The following SAE1 variants were observed in gnomAD, a reference collection of about 807,000 sequenced individuals.
The protein encoded by SAE1 is SUMO1 activating enzyme subunit 1.
SAE1 carries 11 observed loss-of-function variants against 40.6 expected under a neutral mutation model. That is an observed-to-expected ratio of 0.27 (90% CI 0.17 to 0.45). SAE1 has a LOEUF of 0.45. Among genes scored for constraint, SAE1 ranks in the 20% least tolerant of loss-of-function variants. SAE1 has a pLI of 1.00. For synonymous variants in SAE1, 155 were observed against 154.3 expected (o/e 1.00, Z -0.03); for missense variants, 373 against 427.3 (o/e 0.87, Z 1.12).
chr19:47,139,890 C>T (rs1010556892), intron 1 of SAE1, among the ~76,000 whole-genome samples: 3 of 150,696 alleles, frequency 2.0e-5, no homozygotes, highest in Non-Finnish European at 3.0e-5. Context: ...CGTGAGGCAC[C>T]GTGCCCTGCT....
At chr19:47,131,510 G>A (rs2058142616) in intron 1 of SAE1, among the ~76,000 whole-genome samples, 2 of 151,988 alleles carry the variant, frequency 1.3e-5, no homozygotes, top group South Asian at 4.1e-4. Context: ...GGGCGGGCCA[G>A]TCTGAGAGAA....
At chr19:47,179,105 TGG>T (rs1252655492) in intron 6 of SAE1, among the ~76,000 whole-genome samples, 2 of 147,402 alleles carry the variant, frequency 1.4e-5, no homozygotes, top group South Asian at 2.1e-4. Context: ...GGCAGGAGAA[TGG>T]TGTGAACCCG....
In SAE1 at chr19:47,158,446, C is replaced by A. The variant is rs1261921543; in HGVS notation, c.627+3233C>A. Among the ~76,000 whole-genome samples the A allele has an allele frequency of 2.6e-5, 4 of 152,148 alleles. No individual in the cohort carries two copies. In the East Asian group the frequency reaches 7.7e-4, roughly 29 times the overall value. ...ACAATCAGGTCTCGGGCACAAGCCT[C>A]ACATGGACACTGACATGCAGGAGCC... On this transcript the variant is annotated intron_variant, in intron 5 of 8. Transcript: ENST00000270225.
chr19:47,160,388 A>ATTTTT (rs34266912), intron 5 of SAE1, among the ~76,000 whole-genome samples: 66 of 75,070 alleles, frequency 8.8e-4, no homozygotes, highest in Non-Finnish European at 1.6e-3. Context: ...CGCCCAGCTA[A>ATTTTT]TTTTTTTTTT....
At chr19:47,136,987 C>T (rs931533440) in intron 1 of SAE1, among the ~76,000 whole-genome samples, 19 of 152,150 alleles carry the variant, frequency 1.2e-4, no homozygotes, top group Admixed American at 3.3e-4. Context: ...TGGAAATGGG[C>T]AGGCTGATAA....
chr19:47,157,483 G>A lies in SAE1; in HGVS notation c.627+2270G>A, dbSNP rs568208794. On this transcript the variant is annotated intron_variant, in intron 5 of 8. Coordinates refer to ENST00000270225, the MANE Select transcript of SAE1 (RefSeq NM_005500.3). The stretch of plus-strand genomic sequence containing the variant: ...TGGCTTAAGGGCCTTCTCTGATTGA[G>A]GCAGGTCTTTCACATTCAAATGGAG... Among the ~76,000 whole-genome samples, 7 of 152,290 alleles carry A rather than the reference G, an allele frequency of 4.6e-5. No homozygotes were observed. The East Asian group carries it at 1.3e-3, about 29-fold the overall frequency.
intron 2 of SAE1, among the ~76,000 whole-genome samples, chr19:47,144,517 G>C (rs1270348914): frequency 6.6e-6 from 1 of 151,754 alleles, no homozygotes; most frequent in Non-Finnish European, 1.5e-5. Context: ...GGCTAGCACG[G>C]TGAAACCCCA....
rs562912805 is a variant in SAE1 at position 47,168,402 on chromosome 19, AAAAC to A, written c.628-1414_628-1411del. 4.6e-4 allele frequency among the ~76,000 whole-genome samples: 70 copies of A among 151,852 alleles called. 1 individual carries two copies. The South Asian group carries it at 0.012, about 27-fold the overall frequency. ...CACTGCAGCCTCGACCTCCTGTGCT[AAAAC>A]AGTTCTCTTGCCTCAGCCTCCTGTG... On this transcript the variant is annotated intron_variant, in intron 5 of 8. Coordinates refer to ENST00000270225, the MANE Select transcript of SAE1 (RefSeq NM_005500.3).
chr19:47,186,754 A>G (rs999742238), intron 6 of SAE1, among the ~76,000 whole-genome samples: 3 of 152,186 alleles, frequency 2.0e-5, no homozygotes, highest in African/African-American at 7.2e-5. Context: ...TGGTGAGGTC[A>G]TAGACTGGGT....
chr19:47,201,486 C>T (rs1199463803), intron 7 of SAE1, among the ~76,000 whole-genome samples: 1 of 140,758 alleles, frequency 7.1e-6, no homozygotes, highest in African/African-American at 2.7e-5. Flanking sequence ...ATTCTTTTGC[C>T]TCAGCCTCTG....
chr19:47,188,204 C>T (rs571298872), intron 6 of SAE1, among the ~76,000 whole-genome samples: 6 of 151,782 alleles, frequency 4.0e-5, no homozygotes, highest in Non-Finnish European at 7.4e-5. Flanking sequence ...AAAAATGAAC[C>T]ACCAGGCATG....
At chr19:47,176,221 G>A (rs1600188639) in intron 6 of SAE1, among the ~76,000 whole-genome samples, 1 of 152,160 alleles carries the variant, frequency 6.6e-6, no homozygotes, top group East Asian at 1.9e-4. Flanking sequence ...GCAGCATGAT[G>A]TTATATTCCT....
chr19:47,203,609 C>T, intron 7 of SAE1, 62 bp from the exon 8 acceptor site: 1 of 1,481,502 alleles, frequency 6.7e-7, no homozygotes, highest in East Asian at 2.3e-5. Context: ...TGAATTTCTC[C>T]AGATGTCATG....
chr19:47,195,335 G>A (rs1002351249), intron 6 of SAE1, among the ~76,000 whole-genome samples: 4 of 152,144 alleles, frequency 2.6e-5, no homozygotes, highest in Non-Finnish European at 4.4e-5. Context: ...GATTACAGGC[G>A]TGAGCCACTG....
intron 8 of SAE1, 123 bp from the exon 9 acceptor site, chr19:47,209,036 C>A (rs2058699579): frequency 1.3e-6 from 1 of 787,810 alleles, no homozygotes; most frequent in Non-Finnish European, 2.0e-6. Context: ...TGCCAAATAG[C>A]CCTTTGGGAG....
intron 7 of SAE1, among the ~76,000 whole-genome samples, chr19:47,200,701 C>G (rs1402763538): frequency 6.6e-6 from 1 of 152,162 alleles, no homozygotes; most frequent in Non-Finnish European, 1.5e-5. Flanking sequence ...CCTTGGCAAA[C>G]TGGCTTGCCA....
intron 6 of SAE1, among the ~76,000 whole-genome samples, chr19:47,171,715 C>G (rs1203504971): frequency 6.6e-6 from 1 of 152,068 alleles, no homozygotes; most frequent in African/African-American, 2.4e-5. Context: ...CTGCCCACCT[C>G]AGTCTCCCAA....
Position 47,198,615 on chromosome 19 carries a change from A to G in SAE1, c.878+1238A>G, listed in dbSNP as rs114032036. Among the ~76,000 whole-genome samples, 598 of 152,326 alleles carry G rather than the reference A, an allele frequency of 3.9e-3. 5 individuals are homozygous for G. The highest frequency in any genetic ancestry group is 0.014 in the African/African-American group (566 of 41,578). On this transcript the variant is annotated intron_variant, in intron 7 of 8. Transcript: ENST00000270225. ...CAGATCCCACCCCAGGTATCATTACAGTGCTTGCTCTAGTAGCAGCATGCT... is the reference window on the plus strand; with the variant it reads ...CAGATCCCACCCCAGGTATCATTACGGTGCTTGCTCTAGTAGCAGCATGCT...
chr19:47,142,932 A>G (rs530249778), intron 1 of SAE1, among the ~76,000 whole-genome samples: 27 of 152,126 alleles, frequency 1.8e-4, no homozygotes, highest in African/African-American at 6.5e-4. Context: ...CTACTTTTTC[A>G]TGAGGGCAGG....
Sources: allele counts gnomAD v4.1 joint callset (sites outside exome capture counted in the v4.1 genomes callset), GRCh38; gene constraint gnomAD v4.1.1; transcripts MANE v1.5; gene names NCBI Gene and HGNC (gene_info 2026-07-23, HGNC 2026-07-21).